MRPS28: variants seen among roughly 807,000 people sequenced by gnomAD.
MRPS28 encodes small ribosomal subunit protein bS1m.
Under a neutral mutation model 10.8 loss-of-function variants are expected in MRPS28, and 7 were observed. That is an observed-to-expected ratio of 0.65 (90% CI 0.37 to 1.22). The LOEUF (loss-of-function observed/expected upper bound fraction) is 1.22, where lower values mean the gene tolerates loss of function less well. MRPS28 is among the 50% of genes most tolerant of loss of function. The pLI is 0.02. For missense variants in MRPS28, 265 were observed against 232.9 expected (o/e 1.14, Z -0.90); for synonymous variants, 121 against 93.3 (o/e 1.30, Z -1.71).
chr8:79,921,228 C>T (rs917325136), intron 2 of MRPS28, among the ~76,000 whole-genome samples: 2 of 152,018 alleles, frequency 1.3e-5, no homozygotes, highest in African/African-American at 4.8e-5. Flanking sequence ...TAGTGTGATG[C>T]CTCCAGCTTT....
chr8:80,019,211 A>T (rs1439813955), intron 1 of MRPS28, among the ~76,000 whole-genome samples: 2 of 151,354 alleles, frequency 1.3e-5, no homozygotes, highest in African/African-American at 2.4e-5. Flanking sequence ...TTTGATTGTT[A>T]ACACAAAGAG....
At chr8:79,924,458 A>T (rs1327257417) in intron 2 of MRPS28, among the ~76,000 whole-genome samples, 1 of 152,182 alleles carries the variant, frequency 6.6e-6, no homozygotes, top group Non-Finnish European at 1.5e-5. Flanking sequence ...GTAAGTAGGA[A>T]TGTGTGTGTA....
At chr8:79,990,975 G>A (rs1334370025) in intron 2 of MRPS28, among the ~76,000 whole-genome samples, 3 of 139,614 alleles carry the variant, frequency 2.1e-5, no homozygotes, top group Non-Finnish European at 1.5e-5. Context: ...TGGTGACAGA[G>A]CAAGACTCCA....
chr8:79,969,246 T>C (rs867497577), intron 2 of MRPS28, among the ~76,000 whole-genome samples: 21 of 152,330 alleles, frequency 1.4e-4, no homozygotes, highest in South Asian at 4.1e-4. Context: ...GATAATGTAC[T>C]AAACCTATTT....
intron 2 of MRPS28, among the ~76,000 whole-genome samples, chr8:79,946,837 A>G (rs544358209): frequency 3.9e-5 from 6 of 152,312 alleles, no homozygotes; most frequent in African/African-American, 1.4e-4. Flanking sequence ...AATCATTGCA[A>G]TTTAAGATTT....
chr8:80,022,725 T>TA (rs970809569), intron 1 of MRPS28, among the ~76,000 whole-genome samples: 7 of 152,276 alleles, frequency 4.6e-5, no homozygotes, highest in African/African-American at 1.7e-4. Flanking sequence ...TGCCAATAGA[T>TA]AAAAAACTTA....
intron 2 of MRPS28, among the ~76,000 whole-genome samples, chr8:79,950,394 A>G (rs898132293): frequency 6.6e-6 from 1 of 152,222 alleles, no homozygotes; most frequent in Non-Finnish European, 1.5e-5. Context: ...CCCAGGAATG[A>G]GTAAGTTAAT....
intron 2 of MRPS28, among the ~76,000 whole-genome samples, chr8:79,919,901 A>C: frequency 6.6e-6 from 1 of 151,020 alleles, no homozygotes; most frequent in African/African-American, 2.4e-5. Context: ...GCACCCATTA[A>C]CTCGTCATTT....
intron 2 of MRPS28, 23 bp from the exon 3 acceptor site, chr8:79,919,171 AT>A (rs951705338): frequency 5.3e-6 from 8 of 1,509,498 alleles, no homozygotes; most frequent in Middle Eastern, 1.8e-4. Context: ...AAAAAAAAAA[AT>A]CCATTAATTC....
intron 1 of MRPS28, among the ~76,000 whole-genome samples, chr8:80,012,029 T>G (rs775301169): frequency 1.2e-4 from 19 of 152,204 alleles, no homozygotes; most frequent in Non-Finnish European, 2.4e-4. Context: ...TTTTAGTAAG[T>G]CTGCAGTTAA....
At chr8:79,988,766 CTG>C in intron 2 of MRPS28, among the ~76,000 whole-genome samples, 1 of 152,310 alleles carries the variant, frequency 6.6e-6, no homozygotes, top group Middle Eastern at 3.4e-3. Context: ...TGAATTTCTA[CTG>C]TACACACTGA....
At chr8:79,979,792 C>A (rs1807902774) in intron 2 of MRPS28, among the ~76,000 whole-genome samples, 1 of 151,890 alleles carries the variant, frequency 6.6e-6, no homozygotes, top group African/African-American at 2.4e-5. Context: ...TCTGTAGAAT[C>A]AGCAGCCTTA....
rs1406063980 is a variant in MRPS28 at position 79,978,778 on chromosome 8, TG to T, written c.395+24220del. On this transcript the variant is annotated intron_variant, in intron 2 of 2. Coordinates refer to ENST00000276585, the MANE Select transcript of MRPS28 (RefSeq NM_014018.3). ...TGACATAATTTTATTTTCCAGAAAA[TG>T]AAATCAGTGGATAACCACCCCTTAG... Among the ~76,000 whole-genome samples, 5 of 152,184 alleles carry T rather than the reference TG, an allele frequency of 3.3e-5. No individual in the cohort carries two copies. The East Asian group carries it at 9.7e-4, about 29-fold the overall frequency.
chr8:79,919,196 A>T, intron 2 of MRPS28, 48 bp from the exon 3 acceptor site: 1 of 1,409,392 alleles, frequency 7.1e-7, no homozygotes, highest in Non-Finnish European at 9.4e-7. Context: ...ATATCATAAC[A>T]TGAACAACTA....
At chr8:79,949,093 C>T (rs959824857) in intron 2 of MRPS28, among the ~76,000 whole-genome samples, 3 of 152,052 alleles carry the variant, frequency 2.0e-5, no homozygotes, top group Non-Finnish European at 4.4e-5. Context: ...CAGTGTAGCT[C>T]AGTCTCTTTC....
At chr8:79,928,889 T>C (rs1364106031) in intron 2 of MRPS28, among the ~76,000 whole-genome samples, 1 of 151,880 alleles carries the variant, frequency 6.6e-6, no homozygotes, top group Non-Finnish European at 1.5e-5. Flanking sequence ...CTACTAAAAA[T>C]ACAAAAATTA....
At chr8:79,985,136 C>T (rs1029471288) in intron 2 of MRPS28, among the ~76,000 whole-genome samples, 2 of 152,142 alleles carry the variant, frequency 1.3e-5, no homozygotes, top group African/African-American at 4.8e-5. Flanking sequence ...CAAAACCGCT[C>T]AACTACATGG....
chr8:79,980,332 A>T (rs1404286659), intron 2 of MRPS28, among the ~76,000 whole-genome samples: 2 of 152,222 alleles, frequency 1.3e-5, no homozygotes, highest in Non-Finnish European at 2.9e-5. Flanking sequence ...CATGATCTTA[A>T]CTAGTATTAT....
At chr8:79,950,544 A>C (rs1160906017) in intron 2 of MRPS28, among the ~76,000 whole-genome samples, 1 of 152,240 alleles carries the variant, frequency 6.6e-6, no homozygotes, top group Non-Finnish European at 1.5e-5. Context: ...ACTGTAACAC[A>C]AACACACACA....
Sources: allele counts gnomAD v4.1 joint callset (sites outside exome capture counted in the v4.1 genomes callset), GRCh38; gene constraint gnomAD v4.1.1; transcripts MANE v1.5; gene names NCBI Gene and HGNC (gene_info 2026-07-23, HGNC 2026-07-21).